SLF2: variants seen among roughly 807,000 people sequenced by gnomAD.
SLF2 encodes SMC5-SMC6 complex localization factor protein 2.
A neutral mutation model predicts 124.3 loss-of-function variants in SLF2; 68 were observed. That is an observed-to-expected ratio of 0.55 (90% CI 0.45 to 0.67). The LOEUF (loss-of-function observed/expected upper bound fraction) is 0.67. Ranked by LOEUF, SLF2 falls within the 30% of genes least tolerant of loss-of-function variation. The probability of loss-of-function intolerance (pLI) is 0.00; values close to 1 mark genes in which losing one functional copy is unlikely to be tolerated. For missense variants in SLF2, 1,246 were observed against 1,373.7 expected, an observed-to-expected ratio of 0.91 and a Z score of 1.47; for synonymous variants, 480 against 478.8, an observed-to-expected ratio of 1.00 and a Z score of -0.03.
intron 9 of SLF2, among the ~76,000 whole-genome samples, chr10:100,934,009 G>T (rs1287739284): frequency 2.6e-5 from 4 of 152,172 alleles, no homozygotes; most frequent in Non-Finnish European, 5.9e-5. Flanking sequence ...GTTTCTGTCA[G>T]AATCTGTTTG....
At chr10:100,957,845 T>C (rs1850361744) in intron 18 of SLF2, among the ~76,000 whole-genome samples, 1 of 152,130 alleles carries the variant, frequency 6.6e-6, no homozygotes, top group Admixed American at 6.6e-5. Flanking sequence ...TTTGACAGTT[T>C]TTCCTGAAAC....
At chr10:100,952,054 G>A (rs529093450) in intron 17 of SLF2, among the ~76,000 whole-genome samples, 6 of 152,078 alleles carry the variant, frequency 3.9e-5, no homozygotes, top group Admixed American at 1.3e-4. Context: ...GACCAGCCTG[G>A]CCAGCATGGT....
Position 100,923,973 on chromosome 10 carries a change from A to G in SLF2, c.974-2A>G, listed in dbSNP as rs539242117. ...ACTAATCTAACAAAAATTAAATTTT[A>G]GCAGGCTCTAAGCAGAATAAATTCC... On this transcript the variant is annotated splice_acceptor_variant, in intron 4 of 19. Transcript: ENST00000238961. LOFTEE classifies it high-confidence loss of function. The G allele has an allele frequency of 2.0e-6, 3 of 1,501,370 alleles. No homozygotes were observed. The Admixed American group carries it at 7.0e-5, about 35-fold the overall frequency. 93.0% of individuals were successfully genotyped at this position (1,501,370 alleles called of 1,614,324 possible).
In SLF2 at chr10:100,924,909, T is replaced by G; in HGVS notation, c.1908T>G (p.Pro636=). The change falls in exon 5 of 20, where the codon CCT becomes CCG. Residue 636 remains proline, a synonymous_variant. Coordinates refer to ENST00000238961, the MANE Select transcript of SLF2 (RefSeq NM_018121.4). Reference sequence around the variant, plus strand: ...TGGCTTTGAACTTCAATCAGACTCCTGCAGCTACAGGAAAGCCTCCTGCTC... The same window carrying G: ...TGGCTTTGAACTTCAATCAGACTCCGGCAGCTACAGGAAAGCCTCCTGCTC... ...EIMALNFNQT[P]AATGKPPALS... is the part of the protein sequence containing the mutation. 6.2e-7 allele frequency: 1 copy of G among 1,614,164 alleles called. No individual in the cohort carries two copies. Among genetic ancestry groups the G allele is most frequent in the Non-Finnish European group, 8.5e-7 (1 of 1,180,036 alleles).
At position 100,950,052 on chromosome 10, in the gene SLF2, A is replaced by G. The variant is rs372937389; in HGVS notation, c.3121-24A>G. 4 of 1,542,394 alleles carry G rather than the reference A, an allele frequency of 2.6e-6. No individual in the cohort carries two copies. In the African/African-American group the frequency reaches 4.1e-5, roughly 16 times the overall value. ...ACAACTATATTATTTAGCTTTGTTC[A>G]ATGTCTCCTCTTTCTTTTGATAGGT... On this transcript the variant is annotated intron_variant, in intron 15 of 19. Transcript: ENST00000238961.
intron 17 of SLF2, among the ~76,000 whole-genome samples, chr10:100,951,180 T>G (rs1344836790): frequency 6.6e-6 from 1 of 151,912 alleles, no homozygotes; most frequent in African/African-American, 2.4e-5. Flanking sequence ...GAGGTGGAGG[T>G]TGCAGTGAGC....
At position 100,916,062 on chromosome 10, in the gene SLF2, AT is replaced by A; in HGVS notation, c.184+26del. The A allele has an allele frequency of 2.5e-6, 4 of 1,600,160 alleles. No homozygotes were observed. The highest frequency in any genetic ancestry group is 3.4e-6 in the Non-Finnish European group (4 of 1,170,384). On this transcript the variant is annotated intron_variant, in intron 2 of 19. Transcript: ENST00000238961. ...AACAAGGTATGTACACTGTTGATGC[AT>A]TTTTTGTGGGCTATTTTGGGGGTGA...
At chr10:100,951,849 C>T (rs986879443) in intron 17 of SLF2, among the ~76,000 whole-genome samples, 1 of 152,210 alleles carries the variant, frequency 6.6e-6, no homozygotes, top group African/African-American at 2.4e-5. Flanking sequence ...TTCTAATATT[C>T]AGATTTTCAT....
intron 9 of SLF2, among the ~76,000 whole-genome samples, chr10:100,936,030 T>C (rs1374336708): frequency 6.6e-6 from 1 of 151,460 alleles, no homozygotes; most frequent in East Asian, 2.0e-4. Context: ...AGCTAATTTT[T>C]AAAAATTTTT....
Position 100,926,005 on chromosome 10 carries a change from G to T in SLF2, c.2028G>T (p.Met676Ile). ...CCTTAGAACGTCTAGTGAAGGAAAT[G>T]GAAGACACACAAAGGTTTGTTAGCA... Reference protein sequence around the residue: ...TNTLERLVKEMEDTQRLDELQ... With the variant: ...TNTLERLVKEIEDTQRLDELQ... The change falls in exon 6 of 20, where the codon ATG becomes ATT. Residue 676 changes from methionine (M) to isoleucine (I), a missense_variant. Coordinates refer to ENST00000238961, the MANE Select transcript of SLF2 (RefSeq NM_018121.4). 1.2e-6 allele frequency: 2 copies of T among 1,613,768 alleles called. No individual in the cohort carries two copies. Among genetic ancestry groups the T allele is most frequent in the Non-Finnish European group, 1.7e-6 (2 of 1,179,856 alleles).
intron 1 of SLF2, among the ~76,000 whole-genome samples, chr10:100,915,549 G>GT (rs907591445): frequency 7.3e-5 from 11 of 151,126 alleles, no homozygotes; most frequent in Non-Finnish European, 1.3e-4. Flanking sequence ...CATCTATTGA[G>GT]TTTTTTTTTA....
intron 17 of SLF2, among the ~76,000 whole-genome samples, chr10:100,955,072 T>C (rs1238133945): frequency 3.3e-5 from 5 of 151,374 alleles, no homozygotes; most frequent in Non-Finnish European, 7.4e-5. Context: ...CCCGAGTAGC[T>C]GGGACTACAG....
intron 10 of SLF2, among the ~76,000 whole-genome samples, chr10:100,938,385 CAG>C (rs1014898929): frequency 2.5e-4 from 38 of 152,192 alleles, no homozygotes; most frequent in South Asian, 2.1e-4. Flanking sequence ...CCATCACTCT[CAG>C]ATATTTTCTT....
At chr10:100,958,703 G>GA (rs1850376046) in intron 18 of SLF2, among the ~76,000 whole-genome samples, 1 of 152,066 alleles carries the variant, frequency 6.6e-6, no homozygotes, top group Non-Finnish European at 1.5e-5. Context: ...TGTAGATGAA[G>GA]AAAAAAGCAT....
In SLF2 at chr10:100,938,731, T is replaced by TC; in HGVS notation, c.2650dup (p.Leu884ProfsTer4). 6.2e-7 allele frequency: 1 copy of TC among 1,604,680 alleles called. No individual in the cohort carries two copies. Among genetic ancestry groups the TC allele is most frequent in the Non-Finnish European group, 8.5e-7 (1 of 1,177,272 alleles). On this transcript the variant is annotated frameshift_variant, in exon 11 of 20. Transcript: ENST00000238961. LOFTEE classifies it high-confidence loss of function. ...TTCAGCCAGACTTTAATGAAGACTATCTAGTGTAAGTTTTCTCATCATAAT... is the reference window on the plus strand; with the variant it reads ...TTCAGCCAGACTTTAATGAAGACTATCCTAGTGTAAGTTTTCTCATCATAAT...
chr10:100,959,954 C>T (rs1235138136), intron 19 of SLF2, among the ~76,000 whole-genome samples: 73 of 152,186 alleles, frequency 4.8e-4, no homozygotes, highest in Non-Finnish European at 8.8e-5. Context: ...CCTTGGTTCC[C>T]CTCCTGACTC....
At chr10:100,957,517 ATTTTTT>A (rs753366819) in intron 18 of SLF2, among the ~76,000 whole-genome samples, 6 of 140,612 alleles carry the variant, frequency 4.3e-5, no homozygotes, top group Non-Finnish European at 7.8e-5. Context: ...TGCCCGGCAA[ATTTTTT>A]TTTTTTTTTG....
chr10:100,957,330 ATT>A (rs71013477), intron 18 of SLF2, among the ~76,000 whole-genome samples: 37 of 91,860 alleles, frequency 4.0e-4, no homozygotes, highest in African/African-American at 1.7e-3. Context: ...GGAGTCTTCA[ATT>A]TTTTTTTTTT....
Position 100,937,420 on chromosome 10 carries a change from G to T in SLF2, c.2455G>T (p.Asp819Tyr). 6.2e-7 allele frequency: 1 copy of T among 1,609,816 alleles called. No individual in the cohort carries two copies. The highest frequency in any genetic ancestry group is 1.1e-5 in the South Asian group (1 of 90,980). ...TTGACAGATGATGTCAGTTCATACA[G>T]ACTGTATTGTGTCAGTGCAGATTTT... The part of the protein sequence containing the change: ...WLFRMMSVHT[D>Y]CIVSVQILST... Residue 819 changes from aspartate to tyrosine, a missense_variant, in exon 10 of 20, where the codon GAC becomes TAC. Transcript: ENST00000238961.
Sources: allele counts gnomAD v4.1 joint callset (sites outside exome capture counted in the v4.1 genomes callset), GRCh38; gene constraint gnomAD v4.1.1; transcripts MANE v1.5; gene names NCBI Gene and HGNC (gene_info 2026-07-23, HGNC 2026-07-21).